Variants in DOCK2 observed in about 807,000 individuals in gnomAD.
The protein encoded by DOCK2 is dedicator of cytokinesis 2, also known as dedicator of cytokinesis protein 2.
In DOCK2, 87 loss-of-function variants were observed where a neutral mutation model predicts 248.9. The observed-to-expected ratio is 0.35, with a 90% confidence interval of 0.29 to 0.42. The LOEUF is 0.42. Ranked by LOEUF, DOCK2 falls within the 10% of genes least tolerant of loss-of-function variation. The probability of loss-of-function intolerance (pLI) is 1.00; values close to 1 mark genes in which losing one functional copy is unlikely to be tolerated. For missense variants in DOCK2, 1,747 were observed against 2,300.2 expected (o/e 0.76, Z 4.92); for synonymous variants, 805 against 821.6 (o/e 0.98, Z 0.35).
intron 26 of DOCK2, among the ~76,000 whole-genome samples, chr5:169,839,334 T>G (rs572096585): frequency 6.6e-6 from 1 of 152,332 alleles, no homozygotes; most frequent in Admixed American, 6.5e-5. Context: ...CATGTCATTT[T>G]TAGGTCCACA....
chr5:170,069,521 A>G (rs111891753), intron 46 of DOCK2, among the ~76,000 whole-genome samples: 43 of 152,256 alleles, frequency 2.8e-4, no homozygotes, highest in African/African-American at 9.6e-4. Flanking sequence ...GCGGGATGCA[A>G]ATAAACACCA....
At chr5:169,940,617 G>A (rs1387672487) in intron 27 of DOCK2, among the ~76,000 whole-genome samples, 1 of 152,118 alleles carries the variant, frequency 6.6e-6, no homozygotes, top group East Asian at 1.9e-4. Flanking sequence ...AGATCATTAG[G>A]CATTAGATTC....
intron 27 of DOCK2, among the ~76,000 whole-genome samples, chr5:169,953,700 T>C (rs1030284346): frequency 1.3e-5 from 2 of 152,156 alleles, no homozygotes; most frequent in Admixed American, 6.5e-5. Context: ...TAATGCAGCA[T>C]AAAGTGAACT....
At chr5:169,804,823 C>T (rs1357519393) in intron 26 of DOCK2, among the ~76,000 whole-genome samples, 1 of 152,096 alleles carries the variant, frequency 6.6e-6, no homozygotes, top group African/African-American at 2.4e-5. Context: ...GATACAAAGG[C>T]ATGGTCTTTT....
intron 27 of DOCK2, among the ~76,000 whole-genome samples, chr5:169,861,540 T>G (rs1771196526): frequency 6.6e-6 from 1 of 152,216 alleles, no homozygotes. Flanking sequence ...CCTTTCAATT[T>G]TATAAAAGTA....
Position 169,800,944 on chromosome 5 carries a change from C to CT in DOCK2, c.2555-2085dup, listed in dbSNP as rs60140740. 9.4e-3 allele frequency among the ~76,000 whole-genome samples: 501 copies of CT among 53,138 alleles called. 51 individuals are homozygous for CT. Among genetic ancestry groups the CT allele is most frequent in the African/African-American group, 0.028 (199 of 7,130 alleles). 34.9% of individuals were successfully genotyped at this position (53,138 alleles called of 152,430 possible). A position where few individuals can be genotyped will look rare whatever the true frequency, so the allele number is the denominator to read the frequency against. The stretch of plus-strand genomic sequence containing the variant: ...TTTTTCTTTTTTCTTTTCTTTCTTT[C>CT]TTTTTTTTTTTTTTTTTTTTTTTTT... On this transcript the variant is annotated intron_variant, in intron 25 of 51. Transcript: ENST00000520908.
intron 41 of DOCK2, among the ~76,000 whole-genome samples, 189 bp downstream of exon 41, chr5:170,050,586 C>G (rs926795033): frequency 2.0e-5 from 3 of 152,128 alleles, no homozygotes; most frequent in African/African-American, 7.2e-5. Context: ...TCTTCATGAT[C>G]CTGGCATCTT....
chr5:169,851,699 G>A (rs1488275577), intron 27 of DOCK2, among the ~76,000 whole-genome samples: 2 of 152,194 alleles, frequency 1.3e-5, no homozygotes, highest in African/African-American at 4.8e-5. Context: ...TCTCATGGCT[G>A]GGGAGAGCTT....
intron 27 of DOCK2, chr5:169,882,972 G>A: frequency 6.4e-7 from 1 of 1,551,748 alleles, no homozygotes; most frequent in South Asian, 1.2e-5. Context: ...AGGGGGAACT[G>A]TGAGTCCGTG....
At chr5:169,875,151 C>A in intron 27 of DOCK2, 1 of 453,082 alleles carries the variant, frequency 2.2e-6, no homozygotes, top group Admixed American at 2.4e-5. Flanking sequence ...TCTAGTAAAT[C>A]AAGTATCTTC....
chr5:169,923,143 C>G (rs773724232), intron 27 of DOCK2, among the ~76,000 whole-genome samples: 7 of 152,178 alleles, frequency 4.6e-5, no homozygotes, highest in Non-Finnish European at 8.8e-5. Context: ...CTCCTCACCT[C>G]TGTGCTGGGT....
intron 26 of DOCK2, among the ~76,000 whole-genome samples, chr5:169,821,072 A>G (rs563245534): frequency 6.6e-6 from 1 of 152,344 alleles, no homozygotes; most frequent in Non-Finnish European, 1.5e-5. Flanking sequence ...TTAGAGAAAA[A>G]AGAATAAAAA....
At chr5:169,685,520 G>T (rs1759916885) in intron 8 of DOCK2, among the ~76,000 whole-genome samples, 1 of 152,204 alleles carries the variant, frequency 6.6e-6, no homozygotes, top group African/African-American at 2.4e-5. Flanking sequence ...ACCACGCCCG[G>T]CTAATTTTTA....
chr5:169,853,804 C>CTTTTT (rs67124138), intron 27 of DOCK2, among the ~76,000 whole-genome samples: 19 of 56,860 alleles, frequency 3.3e-4, no homozygotes, highest in East Asian at 1.1e-3. Flanking sequence ...GGAAAAACAA[C>CTTTTT]TTTTTTTTTT....
intron 22 of DOCK2, among the ~76,000 whole-genome samples, chr5:169,734,645 TTG>T (rs1762944610): frequency 6.6e-6 from 1 of 152,220 alleles, no homozygotes; most frequent in African/African-American, 2.4e-5. Flanking sequence ...CAGGACTGAC[TTG>T]TGGTTAAGAA....
At chr5:170,069,841 T>C (rs372652498) in intron 46 of DOCK2, among the ~76,000 whole-genome samples, 5 of 152,180 alleles carry the variant, frequency 3.3e-5, no homozygotes, top group African/African-American at 1.2e-4. Flanking sequence ...CTCTTCTTCC[T>C]GTGGACTCTG....
chr5:170,080,126 TTG>T (rs138478687), intron 49 of DOCK2, 35 bp from the exon 50 acceptor site: 4,073 of 1,347,108 alleles, frequency 3.0e-3, no homozygotes, highest in South Asian at 6.9e-3. Flanking sequence ...GCCTCTGTCT[TTG>T]TGTGTGTGTG....
At chr5:170,007,780 C>T (rs1755101400) in intron 30 of DOCK2, among the ~76,000 whole-genome samples, 1 of 152,160 alleles carries the variant, frequency 6.6e-6, no homozygotes, top group South Asian at 2.1e-4. Flanking sequence ...GCCTGCATCT[C>T]AGCTGGGCCA....
At chr5:170,013,949 G>A (rs909601048) in intron 32 of DOCK2, among the ~76,000 whole-genome samples, 5 of 152,084 alleles carry the variant, frequency 3.3e-5, no homozygotes, top group South Asian at 2.1e-4. Flanking sequence ...CAGTTGCGAA[G>A]GGGAAATAGC....
Sources: allele counts gnomAD v4.1 joint callset (sites outside exome capture counted in the v4.1 genomes callset), GRCh38; gene constraint gnomAD v4.1.1; transcripts MANE v1.5; gene names NCBI Gene and HGNC (gene_info 2026-07-23, HGNC 2026-07-21).